The following POC5 variants were observed in gnomAD, a reference collection of about 807,000 sequenced individuals.
POC5 encodes the protein centrosomal protein POC5.
Under a neutral mutation model 62.9 loss-of-function variants are expected in POC5, and 48 were observed. That is an observed-to-expected ratio of 0.76 (90% CI 0.61 to 0.97). POC5 has a LOEUF of 0.97. POC5 is among the 50% of genes least tolerant of loss of function. The pLI, the probability that POC5 is intolerant of heterozygous loss-of-function variation, is 0.00. For synonymous variants in POC5, 236 were observed against 228.2 expected (o/e 1.03, Z -0.31); for missense variants, 696 against 679.5 (o/e 1.02, Z -0.27).
At chr5:75,693,299 G>C (rs1580020387) in intron 6 of POC5, among the ~76,000 whole-genome samples, 1 of 151,406 alleles carries the variant, frequency 6.6e-6, no homozygotes, top group Non-Finnish European at 1.5e-5. Context: ...TCTTATAAAA[G>C]AACTGAATAA....
intron 2 of POC5, among the ~76,000 whole-genome samples, chr5:75,711,639 T>C (rs536415094): frequency 6.6e-6 from 1 of 152,282 alleles, no homozygotes; most frequent in Non-Finnish European, 1.5e-5. Context: ...CCCAAAGTAA[T>C]AACACTGTAT....
At chr5:75,693,650 AT>A (rs1483503072) in intron 6 of POC5, among the ~76,000 whole-genome samples, 3 of 152,226 alleles carry the variant, frequency 2.0e-5, no homozygotes, top group Non-Finnish European at 4.4e-5. Flanking sequence ...AAAATGTTCA[AT>A]TTTATACGAA....
chr5:75,675,316 T>C (rs953682321), intron 11 of POC5, among the ~76,000 whole-genome samples: 4 of 152,214 alleles, frequency 2.6e-5, no homozygotes, highest in African/African-American at 9.6e-5. Flanking sequence ...CGATAAAGCT[T>C]CTTAGTAGCC....
intron 9 of POC5, among the ~76,000 whole-genome samples, chr5:75,687,640 T>C (rs919892314): frequency 6.6e-6 from 1 of 152,230 alleles, no homozygotes; most frequent in Non-Finnish European, 1.5e-5. Flanking sequence ...GGAGACACAG[T>C]TGCATTTCAA....
intron 4 of POC5, among the ~76,000 whole-genome samples, chr5:75,703,137 C>T (rs1364091312): frequency 1.3e-5 from 2 of 152,126 alleles, no homozygotes; most frequent in Non-Finnish European, 2.9e-5. Flanking sequence ...TAATGAAGTG[C>T]TTTCTGTTTC....
chr5:75,695,865 C>T (rs969764400), intron 5 of POC5, among the ~76,000 whole-genome samples: 23 of 152,132 alleles, frequency 1.5e-4, no homozygotes, highest in African/African-American at 5.1e-4. Context: ...GCACCGTGCG[C>T]GAGGTGAAGC....
At chr5:75,701,905 C>A (rs750773982) in intron 5 of POC5, among the ~76,000 whole-genome samples, 2 of 152,076 alleles carry the variant, frequency 1.3e-5, no homozygotes, top group African/African-American at 4.8e-5. Flanking sequence ...TTGGATCTTT[C>A]GTTATTGCAT....
At position 75,686,865 on chromosome 5, in the gene POC5, C is replaced by A. The variant is rs113454079; in HGVS notation, c.1130-1381G>T. On this transcript the variant is annotated intron_variant, in intron 9 of 11. Transcript: ENST00000428202. ...AGGACTTTTTGTCATGTTCTAACTT[C>A]TTCATAAAAACCTCTAATTTGTAAG... 6.0e-3 allele frequency among the ~76,000 whole-genome samples: 908 copies of A among 152,084 alleles called. 12 individuals carry two copies. The highest frequency in any genetic ancestry group is 0.024 in the East Asian group (123 of 5,172).
intron 5 of POC5, among the ~76,000 whole-genome samples, chr5:75,701,264 T>C (rs184864451): frequency 0.11 from 13,771 of 120,386 alleles, 1,296 homozygotes; most frequent in South Asian, 0.17. Flanking sequence ...TAAAGACACA[T>C]GCACACGTAT....
chr5:75,690,278 G>A, intron 8 of POC5, 105 bp downstream of exon 8: 2 of 1,061,192 alleles, frequency 1.9e-6, no homozygotes, highest in Non-Finnish European at 1.3e-6. Context: ...TTTTTTGTCT[G>A]CATTCTTGAT....
At chr5:75,684,497 T>C (rs552788267) in intron 10 of POC5, among the ~76,000 whole-genome samples, 1 of 151,852 alleles carries the variant, frequency 6.6e-6, no homozygotes, top group South Asian at 2.1e-4. Flanking sequence ...CCCGAGTAGA[T>C]GGGATTACAG....
chr5:75,695,954 T>G (rs912383229), intron 5 of POC5: 2 of 152,380 alleles, frequency 1.3e-5, no homozygotes, highest in Non-Finnish European at 2.9e-5. Context: ...GGGTGACAGA[T>G]GGCACCTGGA....
intron 5 of POC5, among the ~76,000 whole-genome samples, chr5:75,700,399 C>A (rs903348911): frequency 1.3e-5 from 2 of 151,658 alleles, no homozygotes; most frequent in African/African-American, 4.9e-5. Flanking sequence ...GAACAGAGCC[C>A]TCAGAAATAA....
chr5:75,702,548 G>A (rs775595543), intron 5 of POC5, 57 bp downstream of exon 5: 5 of 1,487,218 alleles, frequency 3.4e-6, no homozygotes, highest in Non-Finnish European at 4.6e-6. Context: ...ATAAATGAGA[G>A]TAAAACTATT....
chr5:75,680,063 A>G (rs1176408317), intron 10 of POC5, among the ~76,000 whole-genome samples: 3 of 152,196 alleles, frequency 2.0e-5, no homozygotes, highest in African/African-American at 2.4e-5. Context: ...TTTGTGGACT[A>G]AATTCATGCT....
At chr5:75,704,063 G>A (rs762757870) in intron 4 of POC5, among the ~76,000 whole-genome samples, 6 of 151,302 alleles carry the variant, frequency 4.0e-5, no homozygotes, top group Admixed American at 4.0e-4. Flanking sequence ...GCTGAGGCAG[G>A]AGAATTGCTT....
chr5:75,701,410 G>T (rs1776873989), intron 5 of POC5, among the ~76,000 whole-genome samples: 1 of 133,316 alleles, frequency 7.5e-6, no homozygotes, highest in East Asian at 2.1e-4. Flanking sequence ...ATGAGTTCAT[G>T]TCCTTTGTAG....
intron 9 of POC5, 80 bp from the exon 10 acceptor site, chr5:75,685,564 TG>T: frequency 2.1e-6 from 3 of 1,441,384 alleles, no homozygotes; most frequent in Non-Finnish European, 2.8e-6. Context: ...AAACACATAC[TG>T]GCTAAAGTTT....
At chr5:75,697,436 A>G (rs943116756) in intron 5 of POC5, among the ~76,000 whole-genome samples, 2 of 152,166 alleles carry the variant, frequency 1.3e-5, no homozygotes. Flanking sequence ...TCAACCCAGA[A>G]TTTCATATCC....
Sources: gnomAD v4.1 joint callset for allele counts (sites outside exome capture counted in the v4.1 genomes callset) on GRCh38, gnomAD v4.1.1 for gene constraint, MANE v1.5 for transcripts, NCBI Gene and HGNC (gene_info 2026-07-23, HGNC 2026-07-21) for gene names.